The following REPS2 variants were observed in gnomAD, a reference collection of about 807,000 sequenced individuals.
REPS2 encodes the protein RALBP1 associated Eps domain containing 2.
A neutral mutation model predicts 53.6 loss-of-function variants in REPS2; 23 were observed. The observed-to-expected ratio is 0.43, with a 90% CI of 0.31 to 0.61. REPS2 has a LOEUF of 0.61. Among genes scored for constraint, REPS2 ranks in the 20% least tolerant of loss-of-function variants. The probability of loss-of-function intolerance (pLI) is 0.11; values close to 1 mark genes in which losing one functional copy is unlikely to be tolerated. For missense variants in REPS2, 446 were observed against 534.9 expected (o/e 0.83, Z 1.64); for synonymous variants, 238 against 218.6 (o/e 1.09, Z -0.78).
intron 13 of REPS2, among the ~76,000 whole-genome samples, chrX:17,082,320 T>C (rs1412245586): frequency 8.9e-6 from 1 of 112,706 alleles, no homozygotes; most frequent in Non-Finnish European, 1.9e-5. Context: ...CCTAGGCCCA[T>C]GGATAGACCT....
intron 13 of REPS2, among the ~76,000 whole-genome samples, chrX:17,091,577 G>A (rs1001889363): frequency 1.2e-4 from 14 of 112,145 alleles, no homozygotes; most frequent in African/African-American, 4.2e-4. Flanking sequence ...ACAAGGATGT[G>A]TAAGTTAATC....
intron 3 of REPS2, among the ~76,000 whole-genome samples, chrX:17,023,014 A>G (rs1213696465): frequency 8.9e-6 from 1 of 112,266 alleles, no homozygotes; most frequent in Non-Finnish European, 1.9e-5. Flanking sequence ...TAGTCTACAC[A>G]TTGGTGTACC....
At chrX:17,077,026 TG>T (rs1401411951) in intron 12 of REPS2, among the ~76,000 whole-genome samples, 1 of 111,813 alleles carries the variant, frequency 8.9e-6, no homozygotes, top group East Asian at 2.8e-4. Context: ...AAGTTTTTTT[TG>T]GGGGGTTGAT....
chrX:17,062,959 A>G (rs1186634329), intron 9 of REPS2, among the ~76,000 whole-genome samples: 1 of 111,826 alleles, frequency 8.9e-6, no homozygotes, highest in Non-Finnish European at 1.9e-5. Flanking sequence ...AGGTTTGAGA[A>G]CTTTATATGA....
At chrX:17,005,254 C>T (rs1395516995) in intron 1 of REPS2, among the ~76,000 whole-genome samples, 1 of 110,637 alleles carries the variant, frequency 9.0e-6, no homozygotes, top group Non-Finnish European at 1.9e-5. Flanking sequence ...ATGGAAGTTG[C>T]CCCCTGCCAT....
chrX:17,018,212 CTTTTTTTTTTT>C (rs200578522), intron 2 of REPS2, among the ~76,000 whole-genome samples: 161 of 92,108 alleles, frequency 1.7e-3, no homozygotes, highest in Non-Finnish European at 1.9e-3. Flanking sequence ...TGGCAACTGC[CTTTTTTTTTTT>C]TTTTTTTTTT....
intron 8 of REPS2, among the ~76,000 whole-genome samples, chrX:17,062,183 A>G (rs1175796143): frequency 8.9e-6 from 1 of 112,262 alleles, no homozygotes; most frequent in Admixed American, 9.5e-5. Context: ...CTGCTCTTCC[A>G]TTTATCAGCT....
intron 16 of REPS2, 140 bp from the exon 17 acceptor site, chrX:17,138,716 G>A: frequency 8.8e-6 from 3 of 342,488 alleles, no homozygotes; most frequent in East Asian, 9.2e-5. Context: ...CTGACCGCCT[G>A]TGAATATGAG....
At chrX:17,006,434 T>G in intron 2 of REPS2, 90 bp downstream of exon 2, 1 of 894,993 alleles carries the variant, frequency 1.1e-6, no homozygotes. Flanking sequence ...TTTTGTGGAA[T>G]TTCTCCTTGC....
the REPS2 span, among the ~76,000 whole-genome samples, chrX:17,164,228 T>C: frequency 1.8e-4 from 20 of 111,622 alleles, 1 homozygote; most frequent in Non-Finnish European, 7.5e-5. Context: ...TAGATGTAGA[T>C]CTCACATTAT....
intron 3 of REPS2, among the ~76,000 whole-genome samples, chrX:17,023,198 C>T (rs775462985): frequency 1.1e-3 from 126 of 112,382 alleles, no homozygotes; most frequent in Non-Finnish European, 2.1e-3. Flanking sequence ...GAGGCCAAGG[C>T]GGGTGGATCA....
chrX:16,951,556 CA>C (rs1371131993), intron 1 of REPS2, among the ~76,000 whole-genome samples: 418 of 28,553 alleles, frequency 0.015, 12 homozygotes, highest in East Asian at 0.084. Flanking sequence ...CACACACACA[CA>C]CACCCCCGCT....
chrX:17,191,199 A>T, the REPS2 span, among the ~76,000 whole-genome samples: 1 of 112,243 alleles, frequency 8.9e-6, no homozygotes, highest in Admixed American at 9.4e-5. Context: ...AATACTTACA[A>T]ATCACAATTC....
chrX:17,190,683 A>C, the REPS2 span, among the ~76,000 whole-genome samples: 1 of 112,350 alleles, frequency 8.9e-6, no homozygotes, highest in Non-Finnish European at 1.9e-5. Flanking sequence ...AACTTTGAAA[A>C]AGAGCAGAGA....
At chrX:16,978,907 C>T (rs1191962214) in intron 1 of REPS2, among the ~76,000 whole-genome samples, 1 of 111,257 alleles carries the variant, frequency 9.0e-6, no homozygotes, top group Non-Finnish European at 1.9e-5. Flanking sequence ...AATTATGGGG[C>T]ATTTAATAAC....
chrX:17,138,612 C>T (rs2063404550), intron 16 of REPS2: 1 of 252,302 alleles, frequency 4.0e-6, no homozygotes, highest in Admixed American at 6.3e-5. Context: ...TGAAAAGGCC[C>T]ATTTCACAGC....
In REPS2 at chrX:17,148,850, G is replaced by A. The variant is rs1047598846; in HGVS notation, c.*1369G>A. 2 of 350,623 alleles carry A rather than the reference G, an allele frequency of 5.7e-6. No individual in the cohort carries two copies. The highest frequency in any genetic ancestry group is 1.1e-5 in the Non-Finnish European group (2 of 181,793). The allele number at this position is 350,623 out of a possible 1,213,427, so 28.9% of individuals were successfully genotyped here. ...ATTTTACTAATTTCCCCATTCTTAG[G>A]GTAGCAGGGTGGGGGTGTATAGGGT... On this transcript the variant is annotated 3_prime_UTR_variant, in exon 18 of 18. Transcript: ENST00000357277.
intron 1 of REPS2, among the ~76,000 whole-genome samples, chrX:16,980,941 A>G (rs1339014343): frequency 8.9e-6 from 1 of 112,532 alleles, no homozygotes; most frequent in African/African-American, 3.2e-5. Context: ...TTAAAAGGGA[A>G]TTCTTTTGTG....
At chrX:17,086,355 C>T (rs1162453357) in intron 13 of REPS2, among the ~76,000 whole-genome samples, 1 of 112,205 alleles carries the variant, frequency 8.9e-6, no homozygotes, top group Non-Finnish European at 1.9e-5. Flanking sequence ...TAGTATTGGC[C>T]TGATCCATGT....
Sources: gnomAD v4.1 joint callset for allele counts (sites outside exome capture counted in the v4.1 genomes callset) on GRCh38, gnomAD v4.1.1 for gene constraint, MANE v1.5 for transcripts, NCBI Gene and HGNC (gene_info 2026-07-23, HGNC 2026-07-21) for gene names.